IFFO2: variants seen among roughly 807,000 people sequenced by gnomAD.
IFFO2 encodes intermediate filament family orphan 2.
In IFFO2, 19 loss-of-function variants were observed where a neutral mutation model predicts 53.5. That is an observed-to-expected ratio of 0.36 (90% confidence interval 0.25 to 0.52). The LOEUF (loss-of-function observed/expected upper bound fraction) is 0.52, where lower values mean the gene tolerates loss of function less well. Ranked by LOEUF, IFFO2 falls within the 20% of genes least tolerant of loss-of-function variation. The probability of loss-of-function intolerance (pLI) is 0.94; values close to 1 mark genes in which losing one functional copy is unlikely to be tolerated. For missense variants in IFFO2, 570 were observed against 727.4 expected, an observed-to-expected ratio of 0.78 and a Z score of 2.49; for synonymous variants, 303 against 313.6, an observed-to-expected ratio of 0.97 and a Z score of 0.36.
Position 18,938,299 on chromosome 1 carries a change from T to C in IFFO2, c.666-17178A>G, listed in dbSNP as rs147270187. 3.9e-4 allele frequency among the ~76,000 whole-genome samples: 59 copies of C among 152,340 alleles called. No homozygotes were observed. The East Asian group carries it at 8.3e-3, about 21-fold the overall frequency. On this transcript the variant is annotated intron_variant, in intron 1 of 8. Transcript: ENST00000455833. Reference sequence around the variant, plus strand: ...TCATAAACACCAGTGCCTAACATTATTTTGCTCCTCCTAGTGAGCAAGCCC... The same window carrying C: ...TCATAAACACCAGTGCCTAACATTACTTTGCTCCTCCTAGTGAGCAAGCCC...
chr1:18,948,249 A>G (rs1936614626), intron 1 of IFFO2, among the ~76,000 whole-genome samples: 1 of 152,260 alleles, frequency 6.6e-6, no homozygotes, highest in African/African-American at 2.4e-5. Flanking sequence ...CCTGGGAAGC[A>G]GAACTCGTAA....
chr1:18,942,153 C>A (rs1936529463), intron 1 of IFFO2, among the ~76,000 whole-genome samples: 1 of 152,190 alleles, frequency 6.6e-6, no homozygotes. Flanking sequence ...TGATGAGAAC[C>A]ACAGGGTGTT....
At chr1:18,929,893 CCCAG>C in intron 1 of IFFO2, among the ~76,000 whole-genome samples, 1 of 152,206 alleles carries the variant, frequency 6.6e-6, no homozygotes, top group East Asian at 1.9e-4. Flanking sequence ...TAAGGGCCCA[CCCAG>C]CCAAGCCAGA....
chr1:18,905,036 G>T lies in IFFO2; in HGVS notation c.*3525C>A, dbSNP rs1935927275. ...CTCCCAACGCAACTGGGTTGGAAAT[G>T]GATCTCGGCAGACCAGAGTCAGAGT... On this transcript the variant is annotated 3_prime_UTR_variant, in exon 9 of 9. Transcript: ENST00000455833. The T allele has an allele frequency of 6.6e-6, 1 of 152,242 alleles. No individual in the cohort carries two copies. The highest frequency in any genetic ancestry group is 2.4e-5 in the African/African-American group (1 of 41,442). The allele number at this position is 152,242 out of a possible 1,614,324, so 9.4% of individuals were successfully genotyped here.
At chr1:18,912,322 T>C (rs1009085389) in intron 5 of IFFO2, among the ~76,000 whole-genome samples, 2 of 152,102 alleles carry the variant, frequency 1.3e-5, no homozygotes, top group African/African-American at 4.8e-5. Context: ...TTTTTTTTAA[T>C]GTCAGGCTTT....
chr1:18,933,950 C>A (rs1009876248), intron 1 of IFFO2, among the ~76,000 whole-genome samples: 2 of 151,840 alleles, frequency 1.3e-5, no homozygotes, highest in African/African-American at 2.4e-5. Context: ...CAGCCCCTGG[C>A]AACCACCCTT....
intron 1 of IFFO2, among the ~76,000 whole-genome samples, chr1:18,942,405 G>A (rs1363679652): frequency 2.0e-5 from 3 of 152,114 alleles, no homozygotes; most frequent in Non-Finnish European, 2.9e-5. Flanking sequence ...GGGCTGGTGG[G>A]AGCCAGGCCA....
intron 5 of IFFO2, among the ~76,000 whole-genome samples, chr1:18,912,760 CA>C: frequency 6.6e-6 from 1 of 152,208 alleles, no homozygotes; most frequent in Non-Finnish European, 1.5e-5. Context: ...GGTGAGGAAA[CA>C]GAGGCTCAGA....
At chr1:18,930,734 TG>T (rs1936365588) in intron 1 of IFFO2, among the ~76,000 whole-genome samples, 2 of 152,194 alleles carry the variant, frequency 1.3e-5, no homozygotes, top group African/African-American at 4.8e-5. Context: ...TTGGGCAACA[TG>T]GGGCCCAGGG....
Position 18,940,262 on chromosome 1 carries a change from G to A in IFFO2, c.665+15406C>T, listed in dbSNP as rs150972411. Among the ~76,000 whole-genome samples, 28 of 152,346 alleles carry A rather than the reference G, an allele frequency of 1.8e-4. 1 individual carries two copies. The East Asian group carries it at 4.8e-3, about 26-fold the overall frequency. On this transcript the variant is annotated intron_variant, in intron 1 of 8. Coordinates refer to ENST00000455833, the MANE Select transcript of IFFO2 (RefSeq NM_001136265.2). Reference sequence around the variant, plus strand: ...TGCCGGCCAGGAGTGAGAGCTGTCTGTTGACACAGCAGAGAAGCAGAAACT... The same window carrying A: ...TGCCGGCCAGGAGTGAGAGCTGTCTATTGACACAGCAGAGAAGCAGAAACT...
At chr1:18,931,830 C>T (rs1317910216) in intron 1 of IFFO2, among the ~76,000 whole-genome samples, 1 of 152,222 alleles carries the variant, frequency 6.6e-6, no homozygotes, top group South Asian at 2.1e-4. Context: ...ATAAGCCCCA[C>T]TCCCTGCCCA....
intron 5 of IFFO2, among the ~76,000 whole-genome samples, chr1:18,913,325 C>T (rs571637419): frequency 7.9e-5 from 12 of 152,368 alleles, no homozygotes; most frequent in East Asian, 7.7e-4. Flanking sequence ...TGGAGAGGGC[C>T]GTGTGGCCCG....
rs1936032491 is a variant in IFFO2 at position 18,911,275 on chromosome 1, C to T, written c.1317+109G>A. ...CCTGACTCCCGATCCTGCGCCTGCCCCACTCTACCAGCCCCTGCCCATGAC... is the reference window on the plus strand; with the variant it reads ...CCTGACTCCCGATCCTGCGCCTGCCTCACTCTACCAGCCCCTGCCCATGAC... On this transcript the variant is annotated intron_variant, in intron 7 of 8. Transcript: ENST00000455833. 1.0e-5 allele frequency: 5 copies of T among 496,290 alleles called. No homozygotes were observed. In the East Asian group the frequency reaches 1.8e-4, roughly 18 times the overall value. The allele number at this position is 496,290 out of a possible 1,614,324, so 30.7% of individuals were successfully genotyped here. A position where few individuals can be genotyped will look rare whatever the true frequency, so the allele number is the denominator to read the frequency against.
rs71030110 is a variant in IFFO2 at position 18,911,507 on chromosome 1, TTTTA to T, written c.1225-35_1225-32del. The T allele has an allele frequency of 3.6e-3, 1,890 of 527,756 alleles. 10 individuals are homozygous for T. The highest frequency in any genetic ancestry group is 9.7e-3 in the African/African-American group (461 of 47,512). 32.7% of individuals were successfully genotyped at this position (527,756 alleles called of 1,614,324 possible). A position where few individuals can be genotyped will look rare whatever the true frequency, so the allele number is the denominator to read the frequency against. On this transcript the variant is annotated intron_variant, in intron 6 of 8. Coordinates refer to ENST00000455833, the MANE Select transcript of IFFO2 (RefSeq NM_001136265.2). The stretch of plus-strand genomic sequence containing the variant: ...GAAATAGAACAAACGGGACAGTTTA[TTTTA>T]TTTATTTATTTATTTATTTATTTAT...
Position 18,930,255 on chromosome 1 carries a change from G to A in IFFO2, c.666-9134C>T, listed in dbSNP as rs114146201. On this transcript the variant is annotated intron_variant, in intron 1 of 8. Transcript: ENST00000455833. ...CCATTGGTGTCATTCTCATCCTCAC[G>A]ACCTCCCAATGACAGCTGCTCAGAG... Among the ~76,000 whole-genome samples, 369 of 152,294 alleles carry A rather than the reference G, an allele frequency of 2.4e-3. 2 individuals carry two copies. Among genetic ancestry groups the A allele is most frequent in the African/African-American group, 8.5e-3 (353 of 41,564 alleles).
chr1:18,923,058 C>T (rs559256898), intron 1 of IFFO2, among the ~76,000 whole-genome samples: 6 of 152,332 alleles, frequency 3.9e-5, no homozygotes, highest in African/African-American at 1.2e-4. Context: ...GCGGGGAAGG[C>T]GACTCAATTC....
Position 18,956,423 on chromosome 1 carries a change from G to C in IFFO2, c.-91C>G, listed in dbSNP as rs1352688703. On this transcript the variant is annotated 5_prime_UTR_variant, in exon 1 of 9. Transcript: ENST00000455833. This position sits in a 1 kb window ranked among gnomAD's most constrained non-coding sequence, Gnocchi z 6.4. ...GCTCCCGGCGCGGCCGGGCCAGGGT[G>C]GGCGCGGGCTCCAGCGCGGCCGGCC... 6.1e-6 allele frequency: 1 copy of C among 163,474 alleles called. No individual in the cohort carries two copies. The highest frequency in any genetic ancestry group is 1.3e-5 in the Non-Finnish European group (1 of 76,348). 10.1% of individuals were successfully genotyped at this position (163,474 alleles called of 1,614,324 possible).
chr1:18,948,269 C>T (rs1230227995), intron 1 of IFFO2, among the ~76,000 whole-genome samples: 1 of 152,246 alleles, frequency 6.6e-6, no homozygotes, highest in Non-Finnish European at 1.5e-5. Context: ...AGAAACCACA[C>T]CCCCATTGTA....
At position 18,927,550 on chromosome 1, in the gene IFFO2, C is replaced by CGGGCTCAA. The variant is rs546742900; in HGVS notation, c.666-6430_666-6429insTTGAGCCC. On this transcript the variant is annotated intron_variant, in intron 1 of 8. Transcript: ENST00000455833. ...TGTGCTGGAGCCCGGCTGCTCAAAC[C>CGGGCTCAA]ACAGATTTGGCCCAGCCAATGCCCC... is the stretch of plus-strand genomic sequence containing the variant. Among the ~76,000 whole-genome samples the CGGGCTCAA allele has an allele frequency of 7.5e-3, 1,135 of 152,316 alleles. 13 individuals are homozygous for CGGGCTCAA. The highest frequency in any genetic ancestry group is 0.026 in the African/African-American group (1,069 of 41,556).
Sources: allele counts gnomAD v4.1 joint callset (sites outside exome capture counted in the v4.1 genomes callset), GRCh38; gene constraint gnomAD v4.1.1; non-coding constraint Gnocchi (gnomAD v3.1); transcripts MANE v1.5; gene names NCBI Gene and HGNC (gene_info 2026-07-23, HGNC 2026-07-21).